ANKFN1: variants seen among roughly 807,000 people sequenced by gnomAD.
ANKFN1 encodes the protein ankyrin repeat and fibronectin type-III domain-containing protein 1.
A neutral mutation model predicts 108.7 loss-of-function variants in ANKFN1; 74 were observed. The ratio of observed to expected loss-of-function variants is 0.68; its 90% CI spans 0.56 to 0.83. ANKFN1 has a LOEUF of 0.83. ANKFN1 is among the 40% of genes least tolerant of loss of function. The probability of loss-of-function intolerance (pLI) is 0.00; values close to 1 mark genes in which losing one functional copy is unlikely to be tolerated. For synonymous variants in ANKFN1, 547 were observed against 516.2 expected, an observed-to-expected ratio of 1.06 and a Z score of -0.81; for missense variants, 1,505 against 1,382.3, an observed-to-expected ratio of 1.09 and a Z score of -1.41.
intron 20 of ANKFN1, 150 bp downstream of exon 20, chr17:56,499,248 A>G (rs2051293391): frequency 2.8e-6 from 2 of 724,346 alleles, no homozygotes. Context: ...AGAGGAAACA[A>G]AATCAGAATA....
chr17:56,285,076 C>T (rs906388979), intron 3 of ANKFN1, among the ~76,000 whole-genome samples: 7 of 152,136 alleles, frequency 4.6e-5, no homozygotes, highest in Middle Eastern at 3.2e-3. Flanking sequence ...TTGAGTACTT[C>T]GGTAAATCAC....
chr17:56,471,106 G>C (rs997969750), intron 15 of ANKFN1: 5 of 152,406 alleles, frequency 3.3e-5, no homozygotes, highest in African/African-American at 9.6e-5. Flanking sequence ...TGAGTGAGTC[G>C]TTTTGTGTCC....
At chr17:56,219,343 A>T (rs1267724323) in intron 2 of ANKFN1, among the ~76,000 whole-genome samples, 1 of 151,736 alleles carries the variant, frequency 6.6e-6, no homozygotes, top group Non-Finnish European at 1.5e-5. Flanking sequence ...GCCTCCTGGG[A>T]GCAAGTGATT....
chr17:56,396,416 C>T (rs1042527919), intron 8 of ANKFN1, among the ~76,000 whole-genome samples: 5 of 152,180 alleles, frequency 3.3e-5, no homozygotes, highest in African/African-American at 4.8e-5. Context: ...CCACTGCTCT[C>T]CATCCTGAGC....
rs551058028 is a variant in ANKFN1 at position 56,074,734 on chromosome 17, G to A, written c.288+28409G>A. On this transcript the variant is annotated intron_variant, in intron 4 of 12. Transcript: ENST00000635860. ...TGGAATATTTGAAATTCCCAAGAAA[G>A]CACATTCAATTGCCATTTCTGTTCC... Among the ~76,000 whole-genome samples, 25 of 152,266 alleles carry A rather than the reference G, an allele frequency of 1.6e-4. No individual in the cohort carries two copies. The South Asian group carries it at 4.6e-3, about 28-fold the overall frequency.
At chr17:56,142,121 G>A (rs756224719) in intron 4 of ANKFN1, among the ~76,000 whole-genome samples, 1 of 151,902 alleles carries the variant, frequency 6.6e-6, no homozygotes, top group Non-Finnish European at 1.5e-5. Context: ...AGTAGAGACA[G>A]GGTTTCATCA....
At chr17:56,257,207 A>G (rs1201300687) in intron 3 of ANKFN1, among the ~76,000 whole-genome samples, 1 of 152,202 alleles carries the variant, frequency 6.6e-6, no homozygotes, top group Non-Finnish European at 1.5e-5. Context: ...GACAATGATG[A>G]TAATGCAGTG....
intron 4 of ANKFN1, among the ~76,000 whole-genome samples, chr17:56,139,665 G>T (rs1598130601): frequency 6.6e-6 from 1 of 152,162 alleles, no homozygotes; most frequent in South Asian, 2.1e-4. Context: ...GCCTGAAGAA[G>T]TGAGAAAAGG....
chr17:56,359,479 CCTT>C (rs1187180962), intron 6 of ANKFN1, among the ~76,000 whole-genome samples: 1 of 152,154 alleles, frequency 6.6e-6, no homozygotes, highest in Admixed American at 6.6e-5. Context: ...GCTACATTCT[CCTT>C]CTCTCTAGTC....
At chr17:56,069,962 T>G (rs756567478) in intron 4 of ANKFN1, among the ~76,000 whole-genome samples, 1 of 152,172 alleles carries the variant, frequency 6.6e-6, no homozygotes, top group Non-Finnish European at 1.5e-5. Flanking sequence ...GCCATGGCAT[T>G]TGTAAACTGT....
intron 4 of ANKFN1, among the ~76,000 whole-genome samples, chr17:56,078,425 G>A (rs1379597470): frequency 2.0e-5 from 3 of 152,110 alleles, no homozygotes; most frequent in African/African-American, 7.2e-5. Flanking sequence ...AAAAAAATGG[G>A]GGAGCTCATG....
intron 3 of ANKFN1, among the ~76,000 whole-genome samples, chr17:56,246,129 AC>A (rs1917940939): frequency 1.3e-5 from 2 of 152,158 alleles, no homozygotes; most frequent in African/African-American, 4.8e-5. Flanking sequence ...AGTAGGAGTT[AC>A]AATGTGATTC....
intron 3 of ANKFN1, among the ~76,000 whole-genome samples, chr17:56,295,615 G>T (rs568112397): frequency 9.9e-5 from 15 of 151,668 alleles, no homozygotes; most frequent in East Asian, 9.7e-4. Context: ...GTGTGTGGGC[G>T]GTGTGTGTGT....
intron 3 of ANKFN1, among the ~76,000 whole-genome samples, chr17:56,313,180 G>T (rs942243652): frequency 6.6e-6 from 1 of 151,838 alleles, no homozygotes; most frequent in East Asian, 1.9e-4. Context: ...AAAAACCAGG[G>T]TGCTGAAATA....
At chr17:56,290,603 A>T (rs1362708748) in intron 3 of ANKFN1, among the ~76,000 whole-genome samples, 4 of 152,162 alleles carry the variant, frequency 2.6e-5, no homozygotes, top group East Asian at 1.9e-4. Context: ...TTGGGGAAAC[A>T]TGCAAACTAA....
At chr17:56,289,332 A>AT (rs959702406) in intron 3 of ANKFN1, among the ~76,000 whole-genome samples, 5 of 151,820 alleles carry the variant, frequency 3.3e-5, no homozygotes, top group African/African-American at 1.2e-4. Flanking sequence ...ACAGTTTTCC[A>AT]TTTTTTTTCT....
chr17:56,398,772 G>A (rs558855255), intron 8 of ANKFN1, among the ~76,000 whole-genome samples: 6 of 152,086 alleles, frequency 3.9e-5, no homozygotes, highest in Non-Finnish European at 5.9e-5. Context: ...CTTGGAAAAC[G>A]TTTCATCTCT....
chr17:56,402,666 TTTTG>T (rs199550559), intron 8 of ANKFN1, among the ~76,000 whole-genome samples: 8,346 of 151,980 alleles, frequency 0.055, 262 homozygotes, highest in African/African-American at 0.063. Flanking sequence ...TGTTTTGTAT[TTTTG>T]TTTGTTTGTT....
chr17:56,470,337 G>T (rs1161218708), intron 15 of ANKFN1, among the ~76,000 whole-genome samples: 2 of 152,160 alleles, frequency 1.3e-5, no homozygotes, highest in Non-Finnish European at 2.9e-5. Flanking sequence ...TAGTATTTCT[G>T]ATTCTAGGTC....
Sources: allele counts gnomAD v4.1 joint callset (sites outside exome capture counted in the v4.1 genomes callset), GRCh38; gene constraint gnomAD v4.1.1; transcripts MANE v1.5; gene names NCBI Gene and HGNC (gene_info 2026-07-23, HGNC 2026-07-21).